The following FGD6 variants were observed in gnomAD, a reference collection of about 807,000 sequenced individuals.
FGD6 encodes FYVE, RhoGEF and PH domain containing 6, also known as FYVE, RhoGEF and PH domain-containing protein 6.
In FGD6, 90 loss-of-function variants were observed where a neutral mutation model predicts 149.4. That is an observed-to-expected ratio of 0.60 (90% confidence interval 0.51 to 0.72). The LOEUF is 0.72. Among genes scored for constraint, FGD6 ranks in the 30% least tolerant of loss-of-function variants. FGD6 has a pLI of 0.00. For synonymous variants in FGD6, 527 were observed against 584.0 expected, an observed-to-expected ratio of 0.90 and a Z score of 1.41; for missense variants, 1,437 against 1,684.8, an observed-to-expected ratio of 0.85 and a Z score of 2.57.
At chr12:95,170,283 C>A (rs1880952197) in intron 3 of FGD6, among the ~76,000 whole-genome samples, 1 of 152,144 alleles carries the variant, frequency 6.6e-6, no homozygotes, top group Non-Finnish European at 1.5e-5. Flanking sequence ...TCCTTCATAG[C>A]TTGTAACACT....
intron 9 of FGD6, among the ~76,000 whole-genome samples, chr12:95,111,315 T>C (rs1878815887): frequency 6.6e-6 from 1 of 152,142 alleles, no homozygotes; most frequent in Admixed American, 6.6e-5. Flanking sequence ...CCTCTGGCCA[T>C]ACAGTGGGCC....
chr12:95,202,169 T>G (rs575980150), intron 2 of FGD6, among the ~76,000 whole-genome samples: 71 of 152,076 alleles, frequency 4.7e-4, no homozygotes, highest in African/African-American at 1.7e-3. Context: ...GTGGGCTGAC[T>G]TGAGGTCAGG....
At chr12:95,188,317 A>G (rs550335560) in intron 2 of FGD6, among the ~76,000 whole-genome samples, 94 of 152,178 alleles carry the variant, frequency 6.2e-4, no homozygotes, top group Non-Finnish European at 9.6e-4. Context: ...AGAAATGAAG[A>G]AACCAGAAAA....
intron 2 of FGD6, among the ~76,000 whole-genome samples, chr12:95,174,954 A>AGG (rs1010703338): frequency 6.9e-6 from 1 of 145,338 alleles, no homozygotes; most frequent in Non-Finnish European, 1.5e-5. Flanking sequence ...AAAAGAAATT[A>AGG]GGTTTATTTT....
intron 2 of FGD6, among the ~76,000 whole-genome samples, chr12:95,194,583 T>G (rs1439271927): frequency 7.3e-6 from 1 of 136,898 alleles, no homozygotes; most frequent in Non-Finnish European, 1.5e-5. Flanking sequence ...GACTAGTGGT[T>G]GCCAGGGGTT....
chr12:95,209,033 T>C lies in FGD6; in HGVS notation c.2251A>G (p.Ile751Val), dbSNP rs749811557. ...TCTGGTATTTCCTCATAATGGCGTA[T>C]ATTTTCATACTCCGGTGCACAGAGG... ...TSLCAPEYEN[I>V]RHYEEIPEYE... Residue 751 changes from isoleucine (I) to valine (V), a missense_variant, in exon 2 of 21, where the codon ATA (isoleucine) becomes GTA (valine). This residue lies in a region of FGD6 where 1,055 missense variants were observed against 1,146.0 expected (regional missense o/e 0.92). Coordinates refer to ENST00000343958, the MANE Select transcript of FGD6 (RefSeq NM_018351.4). The C allele has an allele frequency of 3.1e-6, 5 of 1,614,200 alleles. No homozygotes were observed. Among genetic ancestry groups the C allele is most frequent in the South Asian group, 1.1e-5 (1 of 91,082 alleles).
intron 3 of FGD6, among the ~76,000 whole-genome samples, chr12:95,170,508 G>A (rs1337921965): frequency 6.6e-6 from 1 of 152,128 alleles, no homozygotes; most frequent in South Asian, 2.1e-4. Flanking sequence ...TGGGTATGGT[G>A]ATGGGTGCCT....
At chr12:95,160,446 C>T (rs1179474006) in intron 3 of FGD6, among the ~76,000 whole-genome samples, 1 of 152,148 alleles carries the variant, frequency 6.6e-6, no homozygotes, top group African/African-American at 2.4e-5. Context: ...GTAGCCCCTA[C>T]TCATACGGTG....
At chr12:95,134,654 G>A in intron 8 of FGD6, 85 bp downstream of exon 8, 1 of 1,167,530 alleles carries the variant, frequency 8.6e-7, no homozygotes, top group Non-Finnish European at 1.3e-6. Context: ...TATACAAAGA[G>A]AGGCACCCGA....
intron 8 of FGD6, among the ~76,000 whole-genome samples, chr12:95,114,136 A>C (rs931109763): frequency 2.6e-5 from 4 of 152,202 alleles, no homozygotes; most frequent in African/African-American, 4.8e-5. Flanking sequence ...TGGATTTGTT[A>C]ATCTAAGAGT....
intron 20 of FGD6, among the ~76,000 whole-genome samples, 180 bp downstream of exon 20, chr12:95,084,318 A>T (rs920982280): frequency 5.3e-5 from 8 of 152,178 alleles, no homozygotes; most frequent in African/African-American, 1.9e-4. Context: ...TATTCCAGAT[A>T]CCCCTGCCTT....
In FGD6 at chr12:95,085,776, T is replaced by C; in HGVS notation, c.4107+4A>G. 6.3e-7 allele frequency: 1 copy of C among 1,598,958 alleles called. No individual in the cohort carries two copies. Among genetic ancestry groups the C allele is most frequent in the Non-Finnish European group, 8.5e-7 (1 of 1,176,224 alleles). ...ATTACTCATCTTTAGATTTCAGATCTTACCTCACTTGCAGCATATGTATAT... is the reference window on the plus strand; with the variant it reads ...ATTACTCATCTTTAGATTTCAGATCCTACCTCACTTGCAGCATATGTATAT... On this transcript the variant is annotated splice_donor_region_variant and intron_variant, in intron 19 of 20. Transcript: ENST00000343958.
intron 3 of FGD6, among the ~76,000 whole-genome samples, chr12:95,169,683 G>T (rs1325449053): frequency 6.6e-6 from 1 of 152,170 alleles, no homozygotes; most frequent in African/African-American, 2.4e-5. Flanking sequence ...AGTGCTCCAA[G>T]AAGTATGGAA....
At chr12:95,089,724 G>C in intron 17 of FGD6, 28 bp from the exon 18 acceptor site, 2 of 1,608,836 alleles carry the variant, frequency 1.2e-6, no homozygotes, top group Non-Finnish European at 1.7e-6. Context: ...TGCTTATGTA[G>C]GCAATGCTCA....
intron 2 of FGD6, among the ~76,000 whole-genome samples, chr12:95,200,194 A>G (rs1474242930): frequency 6.6e-6 from 1 of 152,234 alleles, no homozygotes; most frequent in Non-Finnish European, 1.5e-5. Context: ...AACTGACTTC[A>G]AAAAATAAAT....
chr12:95,182,273 G>T (rs887057750), intron 2 of FGD6, among the ~76,000 whole-genome samples: 6 of 147,084 alleles, frequency 4.1e-5, no homozygotes, highest in African/African-American at 1.5e-4. Flanking sequence ...CATGATCTTG[G>T]CTCACTGCAA....
chr12:95,126,269 C>A, intron 8 of FGD6: 1 of 1,355,940 alleles, frequency 7.4e-7, no homozygotes, highest in Non-Finnish European at 1.0e-6. Context: ...AGGCTCCAGC[C>A]CAGAAGGTTC....
chr12:95,082,547 C>T (rs1025852664), intron 20 of FGD6, among the ~76,000 whole-genome samples: 48 of 150,250 alleles, frequency 3.2e-4, no homozygotes, highest in African/African-American at 1.1e-3. Context: ...ATCCCAGCTA[C>T]TTGGGAGGCT....
rs1220119484 is a variant in FGD6, at chr12:95,089,687, T to A, written c.3860A>T (p.His1287Leu). ...FQELQKLDHQ[H>L]SPRIGSPGNH... ...TCCAGGAGATCCAATCCTAGGGGAG[T>A]GCTGGTGATCTAGAACAAATCAGGC... Residue 1287 changes from histidine to leucine, a missense_variant, in exon 18 of 21, where the codon CAC becomes CTC. This residue lies in a region of FGD6 where 382 missense variants were observed against 538.7 expected (regional missense o/e 0.71). Transcript: ENST00000343958. The A allele has an allele frequency of 1.9e-6, 3 of 1,613,334 alleles. No homozygotes were observed. The highest frequency in any genetic ancestry group is 2.5e-6 in the Non-Finnish European group (3 of 1,179,620).
Sources: allele counts gnomAD v4.1 joint callset (sites outside exome capture counted in the v4.1 genomes callset), GRCh38; gene constraint gnomAD v4.1.1; regional missense constraint gnomAD v4.1.1; transcripts MANE v1.5; gene names NCBI Gene and HGNC (gene_info 2026-07-23, HGNC 2026-07-21).